TRPM1: variants seen among roughly 807,000 people sequenced by gnomAD.
TRPM1 encodes the protein transient receptor potential cation channel subfamily M member 1, also known as TRPM1-203 APA Isoform, Intron 10.
In TRPM1, 113 loss-of-function variants were observed where a neutral mutation model predicts 149.4. The observed-to-expected ratio is 0.76, with a 90% confidence interval of 0.65 to 0.88. The LOEUF (loss-of-function observed/expected upper bound fraction) is 0.88. TRPM1 is among the 40% of genes least tolerant of loss of function. The pLI is 0.00. For missense variants in TRPM1, 1,976 were observed against 2,038.7 expected, an observed-to-expected ratio of 0.97 and a Z score of 0.59; for synonymous variants, 741 against 759.5, an observed-to-expected ratio of 0.98 and a Z score of 0.40.
chr15:31,113,108 G>C (rs1282545203), intron 1 of TRPM1, among the ~76,000 whole-genome samples: 2 of 152,102 alleles, frequency 1.3e-5, no homozygotes, highest in African/African-American at 2.4e-5. Context: ...TGCTGTCTTG[G>C]CTTTAGGTAG....
chr15:31,128,113 T>G (rs1354936895), intron 1 of TRPM1, among the ~76,000 whole-genome samples: 2 of 152,122 alleles, frequency 1.3e-5, no homozygotes, highest in Non-Finnish European at 2.9e-5. Context: ...TGCTGACCAG[T>G]GCGTTAACCA....
chr15:31,104,855 A>C (rs554340612), upstream of TRPM1, among the ~76,000 whole-genome samples: 3 of 151,932 alleles, frequency 2.0e-5, no homozygotes, highest in East Asian at 1.9e-4. Flanking sequence ...TGGCCTCCCA[A>C]AGTGCTGGGA....
rs765782148 is a variant in TRPM1 at position 31,002,027 on chromosome 15, G to C, written c.4673C>G (p.Ser1558Cys). The part of the protein sequence containing the change: ...TDRNGMENLL[S>C]VKPDQTLGFP... ...TCCCAAAGTTTGATCTGGCTTCACA[G>C]ACAGTAAGTTTTCCATCCCATTTCT... The change falls in exon 28 of 28, where the codon TCT becomes TGT. Residue 1558 changes from serine to cysteine, a missense_variant. Around this residue, in one of 3 missense-constraint regions of TRPM1, gnomAD observed 572 missense variants for 578.9 expected, o/e 0.99. Transcript: ENST00000256552. The C allele has an allele frequency of 6.2e-7, 1 of 1,614,194 alleles. No homozygotes were observed. The highest frequency in any genetic ancestry group is 1.7e-5 in the Admixed American group (1 of 60,022).
chr15:31,049,870 C>T (rs3784594), intron 12 of TRPM1, among the ~76,000 whole-genome samples: 32,265 of 152,064 alleles, frequency 0.21, 4,717 homozygotes, highest in African/African-American at 0.42. Flanking sequence ...ACCAGGGTGC[C>T]GTGTGGGTGA....
intron 1 of TRPM1, among the ~76,000 whole-genome samples, chr15:31,111,656 C>A (rs1360636321): frequency 6.6e-6 from 1 of 152,180 alleles, no homozygotes; most frequent in Admixed American, 6.5e-5. Flanking sequence ...ACAGTCCACA[C>A]GGGAAGACGT....
chr15:31,080,054 A>G (rs1305182510), intron 2 of TRPM1, among the ~76,000 whole-genome samples: 1 of 152,194 alleles, frequency 6.6e-6, no homozygotes, highest in Non-Finnish European at 1.5e-5. Flanking sequence ...AGACTTAAAT[A>G]AAGACCCATG....
intron 1 of TRPM1, among the ~76,000 whole-genome samples, chr15:31,136,880 G>A (rs1408526478): frequency 2.0e-5 from 3 of 151,608 alleles, no homozygotes; most frequent in African/African-American, 7.3e-5. Flanking sequence ...TTTAAACTAA[G>A]TTTGCTGTAA....
intron 1 of TRPM1, among the ~76,000 whole-genome samples, chr15:31,114,263 T>C (rs2035766788): frequency 1.3e-5 from 2 of 152,324 alleles, no homozygotes; most frequent in South Asian, 2.1e-4. Context: ...AGTGAGGACA[T>C]GTGGTATTTG....
At chr15:31,108,644 C>G (rs531565836) in intron 1 of TRPM1, among the ~76,000 whole-genome samples, 9 of 152,228 alleles carry the variant, frequency 5.9e-5, no homozygotes, top group Non-Finnish European at 1.2e-4. Context: ...CAGGCATGTG[C>G]CACCATGCTC....
At chr15:31,050,136 G>A (rs1316137368) in intron 12 of TRPM1, among the ~76,000 whole-genome samples, 2 of 152,242 alleles carry the variant, frequency 1.3e-5, no homozygotes, top group Admixed American at 1.3e-4. Context: ...TGTCTGCCAG[G>A]TACAGAACCA....
intron 1 of TRPM1, among the ~76,000 whole-genome samples, chr15:31,109,287 T>A: frequency 9.2e-6 from 1 of 108,754 alleles, no homozygotes; most frequent in African/African-American, 3.7e-5. Flanking sequence ...TGACCCGAGA[T>A]CACGCCACTG....
chr15:31,070,274 T>C (rs1257682343), intron 3 of TRPM1, 48 bp from the exon 4 acceptor site: 2 of 1,571,888 alleles, frequency 1.3e-6, no homozygotes, highest in African/African-American at 1.3e-5. Flanking sequence ...TCTCCCCCTT[T>C]CCCCTTCATT....
chr15:31,096,021 A>G (rs28446900), intron 1 of TRPM1, among the ~76,000 whole-genome samples: 36,923 of 151,416 alleles, frequency 0.24, 4,707 homozygotes, highest in Admixed American at 0.31. Context: ...ACTTCAGCCT[A>G]GGTGACAAGA....
intron 7 of TRPM1, chr15:31,065,104 A>T (rs1410547475): frequency 1.9e-6 from 1 of 534,738 alleles, no homozygotes; most frequent in East Asian, 5.4e-5. Flanking sequence ...TAGGCGAAGG[A>T]TGACAAAGGG....
At chr15:31,015,341 G>A (rs2032321009) in intron 27 of TRPM1, among the ~76,000 whole-genome samples, 1 of 151,966 alleles carries the variant, frequency 6.6e-6, no homozygotes, top group Non-Finnish European at 1.5e-5. Context: ...GAACCTGGGA[G>A]GCGGAGGCTG....
intron 13 of TRPM1, 145 bp downstream of exon 13, chr15:31,049,230 C>G: frequency 8.8e-7 from 1 of 1,141,924 alleles, no homozygotes; most frequent in Non-Finnish European, 1.3e-6. Context: ...TGGCCAGCAG[C>G]AGGTGAGAAG....
At chr15:31,132,377 A>G (rs1596092628) in intron 1 of TRPM1, among the ~76,000 whole-genome samples, 1 of 152,164 alleles carries the variant, frequency 6.6e-6, no homozygotes, top group East Asian at 1.9e-4. Flanking sequence ...CAGTCCACAC[A>G]TGGCTGGACA....
intron 1 of TRPM1, among the ~76,000 whole-genome samples, chr15:31,155,427 C>A (rs750439327): frequency 1.3e-5 from 2 of 152,224 alleles, no homozygotes; most frequent in East Asian, 3.9e-4. Context: ...CTTCTTAGCT[C>A]CACTCTATCA....
chr15:31,034,727 G>A lies in TRPM1; in HGVS notation c.2700+819C>T, dbSNP rs534522957. Among the ~76,000 whole-genome samples the A allele has an allele frequency of 9.2e-5, 14 of 152,340 alleles. No homozygotes were observed. The South Asian group carries it at 1.2e-3, about 14-fold the overall frequency. On this transcript the variant is annotated intron_variant, in intron 21 of 27. Transcript: ENST00000256552. ...TTGGGCTTTGGACCACACTGTGCAA[G>A]TGTCTCTTGTATCTCTCTTTCTCCC...
Sources: allele counts gnomAD v4.1 joint callset (sites outside exome capture counted in the v4.1 genomes callset), GRCh38; gene constraint gnomAD v4.1.1; regional missense constraint gnomAD v4.1.1; transcripts MANE v1.5; gene names NCBI Gene and HGNC (gene_info 2026-07-23, HGNC 2026-07-21).